DYM: variants seen among roughly 807,000 people sequenced by gnomAD.
DYM encodes dymeclin, also known as dyggve-Melchior-Clausen syndrome protein.
DYM carries 78 observed loss-of-function variants against 93.1 expected under a neutral mutation model. The ratio of observed to expected loss-of-function variants is 0.84; its 90% CI spans 0.70 to 1.01. The LOEUF (loss-of-function observed/expected upper bound fraction) is 1.01, where lower values mean the gene tolerates loss of function less well. Among genes scored for constraint, DYM ranks in the 50% least tolerant of loss-of-function variants. The probability of loss-of-function intolerance (pLI) is 0.00; values close to 1 mark genes in which losing one functional copy is unlikely to be tolerated. For synonymous variants in DYM, 321 were observed against 319.7 expected, an observed-to-expected ratio of 1.00 and a Z score of -0.04; for missense variants, 789 against 845.0, an observed-to-expected ratio of 0.93 and a Z score of 0.82.
intron 13 of DYM, among the ~76,000 whole-genome samples, chr18:49,210,393 T>C (rs1003444791): frequency 4.6e-5 from 7 of 152,150 alleles, no homozygotes; most frequent in African/African-American, 1.7e-4. Context: ...AAATGAGCTA[T>C]GAAGTCATGA....
chr18:49,227,451 A>C (rs1370676687), intron 13 of DYM, among the ~76,000 whole-genome samples: 1 of 152,210 alleles, frequency 6.6e-6, no homozygotes, highest in East Asian at 1.9e-4. Flanking sequence ...CATTAAAATA[A>C]GAACAAGTTT....
intron 14 of DYM, among the ~76,000 whole-genome samples, chr18:49,199,133 A>T (rs1452095065): frequency 2.0e-5 from 3 of 152,202 alleles, no homozygotes; most frequent in Non-Finnish European, 4.4e-5. Flanking sequence ...CAAGGACAAA[A>T]AACCAAACAC....
At chr18:49,130,829 A>G (rs796544631) in intron 15 of DYM, among the ~76,000 whole-genome samples, 7 of 152,274 alleles carry the variant, frequency 4.6e-5, no homozygotes, top group African/African-American at 1.7e-4. Context: ...ACAAGGCGCT[A>G]TGGGAGCACT....
intron 2 of DYM, chr18:49,417,971 A>T (rs2073180453): frequency 6.6e-6 from 1 of 151,854 alleles, no homozygotes; most frequent in Non-Finnish European, 1.5e-5. Context: ...GAGGCAGGAG[A>T]ATCACTTAAT....
At chr18:49,216,518 T>A (rs905149110) in intron 13 of DYM, among the ~76,000 whole-genome samples, 1 of 152,170 alleles carries the variant, frequency 6.6e-6, no homozygotes, top group Admixed American at 6.5e-5. Flanking sequence ...AGGGGCAGAC[T>A]GACATCTCAC....
At chr18:49,421,193 T>G (rs1032766392) in intron 2 of DYM, among the ~76,000 whole-genome samples, 1 of 152,190 alleles carries the variant, frequency 6.6e-6, no homozygotes, top group East Asian at 1.9e-4. Flanking sequence ...ATGGACAGAC[T>G]GCCTCCTCAA....
At chr18:49,331,099 G>A (rs553158166) in intron 8 of DYM, among the ~76,000 whole-genome samples, 1 of 152,296 alleles carries the variant, frequency 6.6e-6, no homozygotes, top group South Asian at 2.1e-4. Flanking sequence ...CTGTGGAAAT[G>A]TGTTCCATTT....
Position 49,141,167 on chromosome 18 carries a change from T to C in DYM, c.1729-22241A>G, listed in dbSNP as rs114242725. ...GCCATGACTCCGAACATTTTATTTA[T>C]GCTGATGTCACCTATGTTTCCATCT... On this transcript the variant is annotated intron_variant, in intron 15 of 17. Coordinates refer to ENST00000675505, the MANE Select transcript of DYM (RefSeq NM_001353214.3). 3.0e-3 allele frequency among the ~76,000 whole-genome samples: 459 copies of C among 152,318 alleles called. 3 individuals are homozygous for C. Among genetic ancestry groups the C allele is most frequent in the African/African-American group, 0.01 (425 of 41,576 alleles).
intron 8 of DYM, among the ~76,000 whole-genome samples, chr18:49,288,510 G>T (rs1413723352): frequency 1.3e-5 from 2 of 152,120 alleles, no homozygotes; most frequent in African/African-American, 4.8e-5. Context: ...TGGGTATAGG[G>T]GCTCATGCCT....
intron 17 of DYM, among the ~76,000 whole-genome samples, chr18:49,056,985 GCCTGGGCCAATT>G (rs1405535306): frequency 1.3e-5 from 2 of 152,188 alleles, no homozygotes; most frequent in Non-Finnish European, 2.9e-5. Context: ...ATGAGCCATG[GCCTGGGCCAATT>G]CCTGCTTTTA....
chr18:49,186,391 C>T (rs566195682), intron 14 of DYM, among the ~76,000 whole-genome samples: 1 of 152,268 alleles, frequency 6.6e-6, no homozygotes, highest in African/African-American at 2.4e-5. Context: ...ATCTCATCTC[C>T]TCCCACATCC....
rs1388428000 is a variant in DYM at position 49,272,241 on chromosome 18, C to CAT, written c.1186_1187dup (p.Met396IlefsTer5). The CAT allele has an allele frequency of 1.3e-6, 2 of 1,598,418 alleles. No individual in the cohort carries two copies. Among genetic ancestry groups the CAT allele is most frequent in the East Asian group, 2.2e-5 (1 of 44,670 alleles). On this transcript the variant is annotated frameshift_variant, in exon 11 of 18. Coordinates refer to ENST00000675505, the MANE Select transcript of DYM (RefSeq NM_001353214.3). LOFTEE classifies it high-confidence loss of function. ...TAAGGATCAACAATATTATAAGGGC[C>CAT]ATATACACATGGTGTGAATTCCTTT... is the stretch of plus-strand genomic sequence containing the variant.
At chr18:49,393,806 T>A (rs895163473) in intron 2 of DYM, 2 of 151,754 alleles carry the variant, frequency 1.3e-5, no homozygotes, top group African/African-American at 4.8e-5. Context: ...TAAATAAAAA[T>A]AAAATAGGGA....
intron 1 of DYM, among the ~76,000 whole-genome samples, chr18:49,443,115 C>T (rs556903324): frequency 3.9e-5 from 6 of 152,032 alleles, no homozygotes; most frequent in South Asian, 4.2e-4. Context: ...CCCAAAATGC[C>T]GGGATTATAG....
chr18:49,111,756 A>G (rs1229176614), intron 16 of DYM, among the ~76,000 whole-genome samples: 3 of 152,168 alleles, frequency 2.0e-5, no homozygotes, highest in Non-Finnish European at 2.9e-5. Context: ...TCCCAGCAGC[A>G]GATGCTGCTG....
chr18:49,146,497 T>A (rs997968914), intron 15 of DYM, among the ~76,000 whole-genome samples: 1 of 152,162 alleles, frequency 6.6e-6, no homozygotes, highest in Non-Finnish European at 1.5e-5. Context: ...TTCAGCAAAG[T>A]CTCAGGTTAC....
In DYM at chr18:49,446,280, G is replaced by C. The variant is rs1001776256; in HGVS notation, c.-54+14118C>G. Among the ~76,000 whole-genome samples, 4 of 152,240 alleles carry C rather than the reference G, an allele frequency of 2.6e-5. No individual in the cohort carries two copies. The East Asian group carries it at 7.7e-4, about 29-fold the overall frequency. On this transcript the variant is annotated intron_variant, in intron 1 of 17. Coordinates refer to ENST00000675505, the MANE Select transcript of DYM (RefSeq NM_001353214.3). ...CTACCAAAAGAAAAAGAGAGAGAGAGAGACAGAGTTCTTAAAAGTAACTGC... is the reference window on the plus strand; with the variant it reads ...CTACCAAAAGAAAAAGAGAGAGAGACAGACAGAGTTCTTAAAAGTAACTGC...
At chr18:49,340,677 C>T (rs1421766008) in intron 6 of DYM, among the ~76,000 whole-genome samples, 1 of 152,090 alleles carries the variant, frequency 6.6e-6, no homozygotes, top group Non-Finnish European at 1.5e-5. Flanking sequence ...GGTTGGGGAA[C>T]ATACTGATGT....
chr18:49,340,583 T>C (rs2064036424), intron 6 of DYM, among the ~76,000 whole-genome samples: 1 of 152,162 alleles, frequency 6.6e-6, no homozygotes, highest in Non-Finnish European at 1.5e-5. Flanking sequence ...ATAATAGTGC[T>C]AAAGAATGTG....
Sources: gnomAD v4.1 joint callset for allele counts (sites outside exome capture counted in the v4.1 genomes callset) on GRCh38, gnomAD v4.1.1 for gene constraint, MANE v1.5 for transcripts, NCBI Gene and HGNC (gene_info 2026-07-23, HGNC 2026-07-21) for gene names.